Variants in GAREM1 observed in about 807,000 individuals in gnomAD.
GAREM1 encodes the protein GRB2 associated regulator of MAPK1 subtype 1, also known as GRB2-associated and regulator of MAPK protein 1.
In GAREM1, 26 loss-of-function variants were observed where a neutral mutation model predicts 71.3. That is an observed-to-expected ratio of 0.36 (90% CI 0.27 to 0.51). The LOEUF is 0.51. GAREM1 is among the 20% of genes least tolerant of loss of function. The pLI, the probability that GAREM1 is intolerant of heterozygous loss-of-function variation, is 0.95. For synonymous variants in GAREM1, 440 were observed against 433.2 expected (o/e 1.02, Z -0.20); for missense variants, 1,026 against 1,103.1 (o/e 0.93, Z 0.99).
intron 1 of GAREM1, among the ~76,000 whole-genome samples, chr18:32,401,661 A>G (rs1208322694): frequency 6.6e-6 from 1 of 152,188 alleles, no homozygotes; most frequent in Admixed American, 6.5e-5. Flanking sequence ...CGGAACTCTA[A>G]AAGATGGATT....
Position 32,287,514 on chromosome 18 carries a change from C to G in GAREM1, c.1083G>C (p.Arg361=), listed in dbSNP as rs140385144. 98 of 1,614,208 alleles carry G rather than the reference C, an allele frequency of 6.1e-5. No individual in the cohort carries two copies. The African/African-American group carries it at 1.2e-3, about 20-fold the overall frequency. ...TGGGCACGTGGTTGTGGCCAGAGCA[C>G]CGACCCTTCTTGGGGCTCTTGCATT... ...NEECKSPKKG[R]CSGHNHVPNS... is the part of the protein sequence containing the mutation. The change falls in exon 4 of 6, where the codon CGG becomes CGC. Residue 361 remains arginine (R), a synonymous_variant. Transcript: ENST00000269209. The surrounding 1 kb of genome is among the most constrained non-coding windows in gnomAD (Gnocchi z 5.9).
At chr18:32,347,284 G>A (rs529898881) in intron 2 of GAREM1, among the ~76,000 whole-genome samples, 1 of 152,228 alleles carries the variant, frequency 6.6e-6, no homozygotes, top group Non-Finnish European at 1.5e-5. Flanking sequence ...AGGATCACTT[G>A]AGCCAGGAGT....
chr18:32,407,775 G>GA (rs1487182726), intron 1 of GAREM1, among the ~76,000 whole-genome samples: 1 of 152,056 alleles, frequency 6.6e-6, no homozygotes, highest in African/African-American at 2.4e-5. Context: ...CAACAACTGA[G>GA]AAAAAACCTG....
chr18:32,430,229 C>A (rs978733204), intron 1 of GAREM1, among the ~76,000 whole-genome samples: 2 of 152,228 alleles, frequency 1.3e-5, no homozygotes, highest in South Asian at 4.2e-4. Flanking sequence ...GAAAACCAAC[C>A]TTTAGAACAC....
rs1346689071 is a variant in GAREM1 at position 32,310,252 on chromosome 18, C to T, written c.334G>A (p.Val112Met). 6.2e-7 allele frequency: 1 copy of T among 1,614,110 alleles called. No individual in the cohort carries two copies. Among genetic ancestry groups the T allele is most frequent in the Non-Finnish European group, 8.5e-7 (1 of 1,179,954 alleles). ...ACGCGTTCAGGAAATGCCTTAGCCA[C>T]CTCCTCCACACTGTTGAAATATTGC... ...PVQYFNSVEE[V>M]AKAFPERVYV... Residue 112 changes from valine (V) to methionine (M), a missense_variant, in exon 3 of 6, where the codon GTG becomes ATG. Val to Met is a conservative substitution (Grantham distance 21). Around this residue, in one of 3 missense-constraint regions of GAREM1, gnomAD observed 172 missense variants for 175.2 expected, o/e 0.98. Coordinates refer to ENST00000269209, the MANE Select transcript of GAREM1 (RefSeq NM_001242409.2).
intron 2 of GAREM1, among the ~76,000 whole-genome samples, chr18:32,318,446 G>C (rs1448491675): frequency 1.3e-5 from 2 of 152,120 alleles, no homozygotes; most frequent in Non-Finnish European, 2.9e-5. Flanking sequence ...TACAGGGAAA[G>C]GTCACTTGTC....
At chr18:32,281,561 A>C (rs1279368708) in intron 4 of GAREM1, among the ~76,000 whole-genome samples, 2 of 152,270 alleles carry the variant, frequency 1.3e-5, no homozygotes, top group Admixed American at 6.5e-5. Flanking sequence ...TCAACACTGC[A>C]GTAAAATTTA....
chr18:32,357,339 AG>A, intron 2 of GAREM1, among the ~76,000 whole-genome samples: 1 of 152,350 alleles, frequency 6.6e-6, no homozygotes. Flanking sequence ...TTTTTAAAAA[AG>A]GTTTGCCTGA....
At chr18:32,378,512 A>C (rs902400214) in intron 2 of GAREM1, among the ~76,000 whole-genome samples, 3 of 150,694 alleles carry the variant, frequency 2.0e-5, no homozygotes, top group Non-Finnish European at 4.4e-5. Context: ...AAAAAAAAAA[A>C]AAACAAAAAG....
chr18:32,453,079 G>A (rs1314496158), intron 1 of GAREM1, among the ~76,000 whole-genome samples: 3 of 151,976 alleles, frequency 2.0e-5, no homozygotes, highest in Non-Finnish European at 4.4e-5. Context: ...ACAGCTCCAC[G>A]TGGCTGGGGA....
chr18:32,420,252 C>T (rs986327480), intron 1 of GAREM1, among the ~76,000 whole-genome samples: 1 of 152,014 alleles, frequency 6.6e-6, no homozygotes, highest in African/African-American at 2.4e-5. Flanking sequence ...CCTTTCTTTG[C>T]TCCTTTGACT....
chr18:32,462,367 G>A (rs72935558), intron 1 of GAREM1, among the ~76,000 whole-genome samples: 15,692 of 152,096 alleles, frequency 0.1, 1,050 homozygotes, highest in Middle Eastern at 0.18. Context: ...GATTAATGAC[G>A]GATGTTGACC....
intron 1 of GAREM1, among the ~76,000 whole-genome samples, chr18:32,435,889 G>C (rs1378183871): frequency 6.6e-6 from 1 of 152,120 alleles, no homozygotes; most frequent in African/African-American, 2.4e-5. Flanking sequence ...TACCTTGTGA[G>C]AAAGGTTATT....
At chr18:32,466,266 C>A (rs528315675) in intron 1 of GAREM1, among the ~76,000 whole-genome samples, 1 of 150,510 alleles carries the variant, frequency 6.6e-6, no homozygotes, top group East Asian at 1.9e-4. Context: ...TTCTATACAG[C>A]GGAAGAGAAA....
rs76744388 is a variant in GAREM1 at position 32,329,215 on chromosome 18, A to T, written c.263-18892T>A. On this transcript the variant is annotated intron_variant, in intron 2 of 5. Transcript: ENST00000269209. ...GTGAGACCCCACCTCAACAGCAACA[A>T]CATCAACCAAATCAGTCAAGTGTAG... Among the ~76,000 whole-genome samples the T allele has an allele frequency of 4.5e-3, 682 of 152,162 alleles. 6 individuals carry two copies. Among genetic ancestry groups the T allele is most frequent in the African/African-American group, 0.015 (642 of 41,502 alleles).
intron 2 of GAREM1, among the ~76,000 whole-genome samples, chr18:32,339,180 G>A (rs1271073335): frequency 6.6e-6 from 1 of 152,158 alleles, no homozygotes; most frequent in Non-Finnish European, 1.5e-5. Flanking sequence ...GGAGAAGTAT[G>A]ACTGATATAC....
chr18:32,336,403 C>G (rs2047595509), intron 2 of GAREM1, among the ~76,000 whole-genome samples: 1 of 143,102 alleles, frequency 7.0e-6, no homozygotes, highest in South Asian at 2.2e-4. Context: ...GCACTCCAGC[C>G]TGGGCAACAG....
Position 32,272,149 on chromosome 18 carries a change from A to C in GAREM1, c.1567-1766T>G, listed in dbSNP as rs553547730. 2.0e-5 allele frequency among the ~76,000 whole-genome samples: 3 copies of C among 151,880 alleles called. No individual in the cohort carries two copies. In the East Asian group the frequency reaches 5.9e-4, roughly 30 times the overall value. On this transcript the variant is annotated intron_variant, in intron 4 of 5. Coordinates refer to ENST00000269209, the MANE Select transcript of GAREM1 (RefSeq NM_001242409.2). ...GCTTAAGCGGAAATGAAATGGGTTCATGTTATCACACTGCATCTCCTACTA... is the reference window on the plus strand; with the variant it reads ...GCTTAAGCGGAAATGAAATGGGTTCCTGTTATCACACTGCATCTCCTACTA...
At chr18:32,315,773 G>A (rs1344098216) in intron 2 of GAREM1, among the ~76,000 whole-genome samples, 2 of 151,962 alleles carry the variant, frequency 1.3e-5, no homozygotes, top group East Asian at 1.9e-4. Flanking sequence ...TCCTCTTAGG[G>A]AAAAAGATGT....
Sources: gnomAD v4.1 joint callset for allele counts (sites outside exome capture counted in the v4.1 genomes callset) on GRCh38, gnomAD v4.1.1 for gene constraint, gnomAD v4.1.1 regional missense constraint, Gnocchi (gnomAD v3.1) non-coding constraint, MANE v1.5 for transcripts, NCBI Gene and HGNC (gene_info 2026-07-23, HGNC 2026-07-21) for gene names.